ABI3BP: variants seen among roughly 807,000 people sequenced by gnomAD.
ABI3BP encodes the protein ABI family member 3 binding protein.
A neutral mutation model predicts 268.6 loss-of-function variants in ABI3BP; 216 were observed. That is an observed-to-expected ratio of 0.80 (90% CI 0.72 to 0.90). ABI3BP has a LOEUF of 0.90. Ranked by LOEUF, ABI3BP falls within the 40% of genes least tolerant of loss-of-function variation. ABI3BP has a pLI of 0.00. For synonymous variants in ABI3BP, 730 were observed against 730.0 expected (o/e 1.00, Z 0.00); for missense variants, 2,090 against 2,182.4 (o/e 0.96, Z 0.84).
intron 46 of ABI3BP, among the ~76,000 whole-genome samples, chr3:100,812,131 T>A (rs1018444562): frequency 6.6e-6 from 1 of 151,864 alleles, no homozygotes; most frequent in Non-Finnish European, 1.5e-5. Context: ...ACACATAGAA[T>A]GAGTACTTGG....
rs1241444475 is a variant in ABI3BP, at chr3:100,848,873, G to T, written c.1504C>A (p.Pro502Thr). 2.5e-6 allele frequency: 4 copies of T among 1,612,598 alleles called. No individual in the cohort carries two copies. The highest frequency in any genetic ancestry group is 1.1e-5 in the South Asian group (1 of 90,984). Residue 502 changes from proline to threonine, a missense_variant and splice_region_variant, in exon 18 of 68, where the codon CCC becomes ACC. Coordinates refer to ENST00000471714, the MANE Select transcript of ABI3BP (RefSeq NM_001375547.2). ...SPEMQPTTPAPQQTTSIPSTP... is the reference protein window; with the variant it reads ...SPEMQPTTPATQQTTSIPSTP... ...GAAGGGATAGATGTAGTTTGCTGGG[G>T]AGCTGAAAGAAGATTTAATATAGCT...
intron 1 of ABI3BP, among the ~76,000 whole-genome samples, chr3:100,979,607 G>T (rs1379834889): frequency 6.6e-6 from 1 of 152,170 alleles, no homozygotes; most frequent in African/African-American, 2.4e-5. Context: ...GAAAAGGAAT[G>T]TTTGAAATGG....
At chr3:100,844,119 A>G (rs1455127298) in intron 20 of ABI3BP, 14 of 984,722 alleles carry the variant, frequency 1.4e-5, no homozygotes, top group South Asian at 4.7e-5. Context: ...AAAATGTTCC[A>G]TAACAAAGCT....
At chr3:100,969,705 G>A (rs1365305644) in intron 1 of ABI3BP, among the ~76,000 whole-genome samples, 1 of 152,134 alleles carries the variant, frequency 6.6e-6, no homozygotes, top group African/African-American at 2.4e-5. Context: ...TTTTGAAAAG[G>A]AAGAATGACT....
intron 1 of ABI3BP, among the ~76,000 whole-genome samples, chr3:100,964,018 A>C (rs754482993): frequency 2.0e-5 from 3 of 152,220 alleles, no homozygotes; most frequent in African/African-American, 7.2e-5. Flanking sequence ...CTATTAATAC[A>C]GGAGTTAAGA....
chr3:100,828,999 C>T (rs2152768426), intron 33 of ABI3BP, among the ~76,000 whole-genome samples: 1 of 152,248 alleles, frequency 6.6e-6, no homozygotes, highest in Non-Finnish European at 1.5e-5. Context: ...TGATCAACAC[C>T]TAGAAGCCTG....
intron 1 of ABI3BP, among the ~76,000 whole-genome samples, chr3:100,976,116 T>A (rs1437664052): frequency 6.6e-6 from 1 of 152,224 alleles, no homozygotes; most frequent in Non-Finnish European, 1.5e-5. Context: ...AATAATGGCA[T>A]CCATTAATGA....
Position 100,808,218 on chromosome 3 carries a change from G to C in ABI3BP, c.3625C>G (p.Arg1209Gly). 6.2e-7 allele frequency: 1 copy of C among 1,610,734 alleles called. No individual in the cohort carries two copies. The highest frequency in any genetic ancestry group is 8.5e-7 in the Non-Finnish European group (1 of 1,178,028). ...QTEPAPKQTPRAPPKPKTSPR... is the reference protein window; with the variant it reads ...QTEPAPKQTPGAPPKPKTSPR... ...GATGTTTTTGGCTTAGGAGGAGCACGTGGTGTCTGCTTGGGAGCTAAAAGA... is the reference window on the plus strand; with the variant it reads ...GATGTTTTTGGCTTAGGAGGAGCACCTGGTGTCTGCTTGGGAGCTAAAAGA... The change falls in exon 50 of 68, where the codon CGT (arginine) becomes GGT (glycine). Residue 1209 changes from arginine to glycine, a missense_variant. Arg to Gly is a moderately radical substitution (Grantham distance 125). Coordinates refer to ENST00000471714, the MANE Select transcript of ABI3BP (RefSeq NM_001375547.2).
At chr3:100,806,123 A>T (rs1286822052) in intron 50 of ABI3BP, among the ~76,000 whole-genome samples, 1 of 152,192 alleles carries the variant, frequency 6.6e-6, no homozygotes, top group Non-Finnish European at 1.5e-5. Context: ...TTGCCTTTGA[A>T]TGCCAAACAT....
At chr3:100,754,561 C>T (rs1287800860) in intron 64 of ABI3BP, 51 bp downstream of exon 64, 2 of 1,490,252 alleles carry the variant, frequency 1.3e-6, no homozygotes, top group Non-Finnish European at 1.8e-6. Flanking sequence ...AAACATTGCT[C>T]CACTGTGGCC....
At chr3:100,892,831 A>T (rs1460928953) in intron 4 of ABI3BP, among the ~76,000 whole-genome samples, 1 of 152,218 alleles carries the variant, frequency 6.6e-6, no homozygotes, top group African/African-American at 2.4e-5. Context: ...TGCAGGTAAG[A>T]TAGAACATGA....
chr3:100,914,426 A>T (rs1338778733), intron 2 of ABI3BP: 2 of 455,636 alleles, frequency 4.4e-6, no homozygotes, highest in Admixed American at 4.7e-5. Context: ...TAAACTACTC[A>T]CAAAAGTGCA....
intron 1 of ABI3BP, among the ~76,000 whole-genome samples, chr3:100,968,130 A>C (rs1324518125): frequency 1.3e-5 from 2 of 152,212 alleles, no homozygotes; most frequent in African/African-American, 2.4e-5. Flanking sequence ...TATTCTGTAT[A>C]TGATTGAAGT....
intron 61 of ABI3BP, among the ~76,000 whole-genome samples, chr3:100,772,365 C>G (rs2096570521): frequency 6.6e-6 from 1 of 152,128 alleles, no homozygotes; most frequent in Non-Finnish European, 1.5e-5. Flanking sequence ...TATTATTTAT[C>G]TCTAAAAAAT....
chr3:100,791,464 T>C (rs1284221695), intron 55 of ABI3BP, among the ~76,000 whole-genome samples: 4 of 151,846 alleles, frequency 2.6e-5, no homozygotes, highest in Non-Finnish European at 4.4e-5. Flanking sequence ...AACAGATTGA[T>C]TATGAGAATC....
chr3:100,915,705 G>A (rs1456774325), intron 2 of ABI3BP, among the ~76,000 whole-genome samples: 2 of 152,106 alleles, frequency 1.3e-5, no homozygotes, highest in African/African-American at 4.8e-5. Flanking sequence ...CTGACAGCAG[G>A]GCATTAAACC....
At chr3:100,989,791 T>C (rs1251199873) in intron 1 of ABI3BP, among the ~76,000 whole-genome samples, 3 of 152,224 alleles carry the variant, frequency 2.0e-5, no homozygotes, top group African/African-American at 7.2e-5. Flanking sequence ...GTTTTTATTT[T>C]AGCCTGTTTG....
chr3:100,781,779 C>G (rs543259372), intron 57 of ABI3BP, among the ~76,000 whole-genome samples: 1 of 152,280 alleles, frequency 6.6e-6, no homozygotes, highest in East Asian at 1.9e-4. Context: ...AACAAAGTAT[C>G]TTGATCCAAT....
intron 2 of ABI3BP, among the ~76,000 whole-genome samples, chr3:100,905,818 T>A (rs529333798): frequency 6.6e-6 from 1 of 152,266 alleles, no homozygotes; most frequent in South Asian, 2.1e-4. Context: ...CTAATAATTT[T>A]AAATTTTTTC....
Sources: gnomAD v4.1 joint callset for allele counts (sites outside exome capture counted in the v4.1 genomes callset) on GRCh38, gnomAD v4.1.1 for gene constraint, MANE v1.5 for transcripts, NCBI Gene and HGNC (gene_info 2026-07-23, HGNC 2026-07-21) for gene names.